The following COL5A2 variants were observed in gnomAD, a reference collection of about 807,000 sequenced individuals.
COL5A2 encodes collagen alpha-2(V) chain.
A neutral mutation model predicts 208.2 loss-of-function variants in COL5A2; 23 were observed. That is an observed-to-expected ratio of 0.11 (90% CI 0.08 to 0.16). The LOEUF is 0.16. Ranked by LOEUF, COL5A2 falls within the 10% of genes least tolerant of loss-of-function variation. COL5A2 has a pLI of 1.00. For synonymous variants in COL5A2, 625 were observed against 628.5 expected, an observed-to-expected ratio of 0.99 and a Z score of 0.08; for missense variants, 1,590 against 1,956.4, an observed-to-expected ratio of 0.81 and a Z score of 3.53.
At chr2:189,081,410 GA>G (rs1324093705) in intron 12 of COL5A2, among the ~76,000 whole-genome samples, 1 of 151,812 alleles carries the variant, frequency 6.6e-6, no homozygotes, top group Non-Finnish European at 1.5e-5. Flanking sequence ...TACCAAGGTA[GA>G]AAAAAAATAT....
At chr2:189,306,562 G>A in the COL5A2 span, among the ~76,000 whole-genome samples, 3 of 152,114 alleles carry the variant, frequency 2.0e-5, no homozygotes, top group Admixed American at 2.0e-4. Flanking sequence ...CATTAATGAG[G>A]GAATTCTGGT....
intron 1 of COL5A2, among the ~76,000 whole-genome samples, chr2:189,186,699 T>TA (rs890617779): frequency 2.0e-4 from 30 of 152,158 alleles, no homozygotes; most frequent in Non-Finnish European, 4.3e-4. Context: ...CACTGCTTTT[T>TA]AAAAAAATTA....
the COL5A2 span, among the ~76,000 whole-genome samples, chr2:189,392,480 T>G: frequency 2.0e-5 from 3 of 152,170 alleles, no homozygotes; most frequent in East Asian, 5.8e-4. Flanking sequence ...TTACATGTCC[T>G]TACCCCTGGA....
At chr2:189,328,711 A>T in the COL5A2 span, among the ~76,000 whole-genome samples, 1 of 152,254 alleles carries the variant, frequency 6.6e-6, no homozygotes, top group South Asian at 2.1e-4. Context: ...AATAAAGTCA[A>T]CTTGGTCTCA....
the COL5A2 span, among the ~76,000 whole-genome samples, chr2:189,402,730 G>A: frequency 1.3e-5 from 2 of 152,074 alleles, no homozygotes; most frequent in Non-Finnish European, 2.9e-5. Context: ...TACGGATTCT[G>A]TATTCTATTC....
rs181725216 is a variant in COL5A2, at chr2:189,102,770, C to T, written c.336+1494G>A. 1.3e-4 allele frequency among the ~76,000 whole-genome samples: 20 copies of T among 152,166 alleles called. No individual in the cohort carries two copies. In the East Asian group the frequency reaches 3.3e-3, roughly 25 times the overall value. ...AACATGAATTAATGAATGAATCAAT[C>T]GGTCAATGAGTTGTAAGTAAATATC... On this transcript the variant is annotated intron_variant, in intron 3 of 53. Transcript: ENST00000374866.
At chr2:189,061,756 G>A (rs986795195) in intron 29 of COL5A2, 141 bp from the exon 30 acceptor site, 1 of 685,996 alleles carries the variant, frequency 1.5e-6, no homozygotes, top group Non-Finnish European at 2.6e-6. Context: ...TAATAAACTA[G>A]TATTAATAGT....
At chr2:189,343,273 T>C in the COL5A2 span, among the ~76,000 whole-genome samples, 1 of 152,112 alleles carries the variant, frequency 6.6e-6, no homozygotes, top group African/African-American at 2.4e-5. Flanking sequence ...TTATTCTTTT[T>C]TCATAAGGAC....
intron 1 of COL5A2, among the ~76,000 whole-genome samples, chr2:189,136,187 A>G (rs1183390465): frequency 6.6e-6 from 1 of 152,214 alleles, no homozygotes; most frequent in African/African-American, 2.4e-5. Context: ...AATCTATGCT[A>G]CACATGTTCA....
At chr2:189,425,332 G>A in the COL5A2 span, among the ~76,000 whole-genome samples, 10 of 152,032 alleles carry the variant, frequency 6.6e-5, 1 homozygote, top group Admixed American at 2.6e-4. Context: ...TTATATGATC[G>A]AGCAATCCCA....
At chr2:189,058,647 A>T in intron 32 of COL5A2, 120 bp from the exon 33 acceptor site, 1 of 1,008,092 alleles carries the variant, frequency 9.9e-7, no homozygotes, top group South Asian at 1.4e-5. Flanking sequence ...CTAAATCTCA[A>T]TTTTCTAATT....
intron 1 of COL5A2, among the ~76,000 whole-genome samples, chr2:189,117,730 CTCTTTT>C (rs969210111): frequency 2.6e-5 from 1 of 39,100 alleles, no homozygotes; most frequent in Non-Finnish European, 1.5e-4. Flanking sequence ...CTAATTCTTA[CTCTTTT>C]TTTTTTTTCT....
chr2:189,219,875 C>A (rs75300376), intron 1 of COL5A2, among the ~76,000 whole-genome samples: 1 of 1,506 alleles, frequency 6.6e-4, no homozygotes, highest in African/African-American at 7.1e-4. Flanking sequence ...GATAGAGTGC[C>A]CCCCCCCCAC....
At chr2:189,083,963 T>C (rs369190151) in intron 12 of COL5A2, 21 bp downstream of exon 12, 4 of 1,584,176 alleles carry the variant, frequency 2.5e-6, no homozygotes, top group Non-Finnish European at 2.6e-6. Context: ...AAGTTTGCCT[T>C]TATGTTGAGT....
chr2:189,337,763 A>T, the COL5A2 span, among the ~76,000 whole-genome samples: 1 of 151,948 alleles, frequency 6.6e-6, no homozygotes, highest in African/African-American at 2.4e-5. Context: ...CAAAGTAAAC[A>T]GTGTACCTTG....
At chr2:189,132,876 G>A (rs1028918407) in intron 1 of COL5A2, among the ~76,000 whole-genome samples, 25 of 151,520 alleles carry the variant, frequency 1.6e-4, no homozygotes, top group Non-Finnish European at 1.5e-5. Flanking sequence ...AGCTGAGATC[G>A]CACCACTGCA....
At chr2:189,278,606 A>G in the COL5A2 span, among the ~76,000 whole-genome samples, 1 of 151,974 alleles carries the variant, frequency 6.6e-6, no homozygotes, top group Admixed American at 6.6e-5. Context: ...TGTTTGGCAC[A>G]CTCCGAGCTT....
At chr2:189,339,816 T>C in the COL5A2 span, among the ~76,000 whole-genome samples, 1 of 152,304 alleles carries the variant, frequency 6.6e-6, no homozygotes, top group Non-Finnish European at 1.5e-5. Context: ...TTTCAGTTCC[T>C]TGGAACTATT....
chr2:189,126,745 GA>G (rs1687614698), intron 1 of COL5A2, among the ~76,000 whole-genome samples: 1 of 152,100 alleles, frequency 6.6e-6, no homozygotes, highest in Admixed American at 6.6e-5. Flanking sequence ...CCATGTAGGG[GA>G]TTTGAAGTAG....
Sources: allele counts gnomAD v4.1 joint callset (sites outside exome capture counted in the v4.1 genomes callset), GRCh38; gene constraint gnomAD v4.1.1; transcripts MANE v1.5; gene names NCBI Gene and HGNC (gene_info 2026-07-23, HGNC 2026-07-21).